RAB11FIP2: variants seen among roughly 807,000 people sequenced by gnomAD.
RAB11FIP2 encodes rab11 family-interacting protein 2.
A neutral mutation model predicts 40.9 loss-of-function variants in RAB11FIP2; 16 were observed. The observed-to-expected ratio is 0.39, with a 90% CI of 0.26 to 0.59. The LOEUF is 0.59. RAB11FIP2 is among the 20% of genes least tolerant of loss of function. The probability of loss-of-function intolerance (pLI) is 0.53; values close to 1 mark genes in which losing one functional copy is unlikely to be tolerated. For missense variants in RAB11FIP2, 532 were observed against 606.2 expected, an observed-to-expected ratio of 0.88 and a Z score of 1.28; for synonymous variants, 228 against 213.7, an observed-to-expected ratio of 1.07 and a Z score of -0.58.
rs757288025 is a variant in RAB11FIP2, at chr10:118,040,302, T to G, written c.617A>C (p.Gln206Pro). Residue 206 changes from glutamine (Q) to proline (P), a missense_variant, in exon 2 of 5, where the codon CAG becomes CCG. Coordinates refer to ENST00000355624, the MANE Select transcript of RAB11FIP2 (RefSeq NM_014904.3). Reference protein sequence around the residue: ...ANSEFSSGEIQMKSKPKKPFL... With the variant: ...ANSEFSSGEIPMKSKPKKPFL... ...AGGCTTTTTTGGTTTGGATTTCATC[T>G]GTATTTCACCACTTGAAAATTCACT... 6.2e-7 allele frequency: 1 copy of G among 1,613,970 alleles called. No homozygotes were observed.
chr10:118,039,472 A>T (rs757302251), intron 2 of RAB11FIP2, 32 bp from the exon 3 acceptor site: 4 of 1,540,982 alleles, frequency 2.6e-6, no homozygotes, highest in African/African-American at 2.7e-5. Context: ...GTACATAATC[A>T]GTGACACATT....
intron 3 of RAB11FIP2, among the ~76,000 whole-genome samples, chr10:118,022,833 T>G (rs1444701476): frequency 1.3e-5 from 2 of 152,124 alleles, no homozygotes; most frequent in African/African-American, 2.4e-5. Flanking sequence ...TAACCAGTAC[T>G]TAATAAAAAT....
In RAB11FIP2 at chr10:118,008,940, C is replaced by G; in HGVS notation, c.*58G>C. The G allele has an allele frequency of 1.4e-4, 191 of 1,351,456 alleles. No homozygotes were observed. The highest frequency in any genetic ancestry group is 1.8e-4 in the Non-Finnish European group (174 of 957,220). The allele number at this position is 1,351,456 out of a possible 1,614,324, so 83.7% of individuals were successfully genotyped here. The stretch of plus-strand genomic sequence containing the variant: ...CTCTTTCAGTAACAAGTTTTTCCTT[C>G]CTTCCTTCTTTCTTTCTCTCTCTTT... On this transcript the variant is annotated 3_prime_UTR_variant, in exon 5 of 5. Transcript: ENST00000355624.
intron 2 of RAB11FIP2, 183 bp from the exon 3 acceptor site, chr10:118,039,623 C>T: frequency 6.7e-6 from 4 of 598,324 alleles, no homozygotes; most frequent in African/African-American, 1.9e-5. Flanking sequence ...AGCATCGAGG[C>T]TGATAACAAC....
intron 4 of RAB11FIP2, among the ~76,000 whole-genome samples, chr10:118,011,672 G>A (rs1846157382): frequency 6.6e-6 from 1 of 151,942 alleles, no homozygotes; most frequent in African/African-American, 2.4e-5. Context: ...GTTCTCCATG[G>A]TCCCTTTCAA....
In RAB11FIP2 at chr10:118,046,306, A is replaced by T; in HGVS notation, c.-143T>A. On this transcript the variant is annotated 5_prime_UTR_variant, in exon 1 of 5. Coordinates refer to ENST00000355624, the MANE Select transcript of RAB11FIP2 (RefSeq NM_014904.3). ...GGGCTCCCCGACTTCCCTATGGCTG[A>T]TGTCAAAACGCCTCGCGGGGGCAGC... The T allele has an allele frequency of 1.4e-6, 1 of 732,452 alleles. No homozygotes were observed. Among genetic ancestry groups the T allele is most frequent in the Non-Finnish European group, 2.2e-6 (1 of 445,580 alleles). 45.4% of individuals were successfully genotyped at this position (732,452 alleles called of 1,614,324 possible). A position where few individuals can be genotyped will look rare whatever the true frequency, so the allele number is the denominator to read the frequency against.
At chr10:118,020,772 T>G (rs1349347838) in intron 3 of RAB11FIP2, among the ~76,000 whole-genome samples, 2 of 152,208 alleles carry the variant, frequency 1.3e-5, no homozygotes, top group African/African-American at 4.8e-5. Flanking sequence ...TCGTTTTGAG[T>G]GTGTCATTTG....
Position 118,039,288 on chromosome 10 carries a change from T to C in RAB11FIP2, c.949A>G (p.Thr317Ala). The change falls in exon 3 of 5, where the codon ACA (threonine) becomes GCA (alanine). Residue 317 changes from threonine (T) to alanine (A), a missense_variant. Coordinates refer to ENST00000355624, the MANE Select transcript of RAB11FIP2 (RefSeq NM_014904.3). ...AATGGATTTTTCTTCCTTGGCAGTG[T>C]TGCAAATTTTTGGGGTAATGAAGCA... Reference protein sequence around the residue: ...VTASLPQKFATLPRKKNPFEE... With the variant: ...VTASLPQKFAALPRKKNPFEE... 4 of 1,613,754 alleles carry C rather than the reference T, an allele frequency of 2.5e-6. No homozygotes were observed. The highest frequency in any genetic ancestry group is 1.3e-5 in the African/African-American group (1 of 75,038).
chr10:118,022,055 CTT>C (rs1010639535), intron 3 of RAB11FIP2, among the ~76,000 whole-genome samples: 1 of 152,208 alleles, frequency 6.6e-6, no homozygotes, highest in African/African-American at 2.4e-5. Flanking sequence ...CCAATCATGT[CTT>C]TTAGAACAGT....
chr10:118,023,855 G>C (rs949172834), intron 3 of RAB11FIP2, among the ~76,000 whole-genome samples: 3 of 152,042 alleles, frequency 2.0e-5, no homozygotes, highest in Admixed American at 6.5e-5. Flanking sequence ...ACTCTGGGAG[G>C]AGGCAGGCGG....
At chr10:118,034,719 C>T (rs1175705054) in intron 3 of RAB11FIP2, among the ~76,000 whole-genome samples, 4 of 152,066 alleles carry the variant, frequency 2.6e-5, no homozygotes, top group Admixed American at 2.6e-4. Context: ...AGACTAGTGG[C>T]AATTATAAAA....
Position 118,045,823 on chromosome 10 carries a change from C to A in RAB11FIP2, c.341G>T (p.Arg114Ile). The A allele has an allele frequency of 6.2e-7, 1 of 1,602,522 alleles. No individual in the cohort carries two copies. The highest frequency in any genetic ancestry group is 8.5e-7 in the Non-Finnish European group (1 of 1,174,344). Residue 114 changes from arginine (R) to isoleucine (I), a missense_variant, in exon 1 of 5, where the codon AGA (arginine) becomes ATA (isoleucine). Physicochemically the swap from Arg to Ile is moderately conservative, Grantham distance 97. Transcript: ENST00000355624. Reference protein sequence around the residue: ...NLNDIFEDKQRRKTEWFRLES... With the variant: ...NLNDIFEDKQIRKTEWFRLES... ...TTACATAACTTACTCTGTTTTCCTTCTTTGTTTGTCCTCAAAGATGTCATT... is the reference window on the plus strand; with the variant it reads ...TTACATAACTTACTCTGTTTTCCTTATTTGTTTGTCCTCAAAGATGTCATT...
chr10:118,028,142 C>T (rs1248168383), intron 3 of RAB11FIP2, among the ~76,000 whole-genome samples: 1 of 152,118 alleles, frequency 6.6e-6, no homozygotes, highest in African/African-American at 2.4e-5. Context: ...ATTTGTGAAA[C>T]AGTTTTTTCT....
chr10:118,015,829 C>T (rs1295166375), intron 3 of RAB11FIP2, among the ~76,000 whole-genome samples: 2 of 152,214 alleles, frequency 1.3e-5, no homozygotes, highest in African/African-American at 4.8e-5. Context: ...GTAAATATTT[C>T]ATCGGTGCTA....
chr10:118,011,391 G>GCGCACACA (rs144517584), intron 4 of RAB11FIP2, among the ~76,000 whole-genome samples: 1,769 of 149,946 alleles, frequency 0.012, 30 homozygotes, highest in African/African-American at 0.04. Flanking sequence ...ACACACATGC[G>GCGCACACA]CACACACACA....
rs553488327 is a variant in RAB11FIP2, at chr10:118,009,853, A to G, written c.1312-628T>C. Among the ~76,000 whole-genome samples the G allele has an allele frequency of 4.6e-5, 7 of 152,224 alleles. No homozygotes were observed. The South Asian group carries it at 1.5e-3, about 32-fold the overall frequency. The stretch of plus-strand genomic sequence containing the variant: ...AGTAACTGGTCTATTTCTTTCTCCT[A>G]TAATAATATCTAATTTATCTTCTTT... On this transcript the variant is annotated intron_variant, in intron 4 of 4. Coordinates refer to ENST00000355624, the MANE Select transcript of RAB11FIP2 (RefSeq NM_014904.3).
At chr10:118,028,333 T>C (rs1846370702) in intron 3 of RAB11FIP2, among the ~76,000 whole-genome samples, 2 of 150,704 alleles carry the variant, frequency 1.3e-5, no homozygotes, top group African/African-American at 4.9e-5. Context: ...TATAAGTATT[T>C]ATTACATAGA....
intron 4 of RAB11FIP2, among the ~76,000 whole-genome samples, chr10:118,012,530 T>C (rs1846170825): frequency 6.6e-6 from 1 of 151,118 alleles, no homozygotes; most frequent in Admixed American, 6.6e-5. Context: ...ATACTCCACA[T>C]ATATATATAT....
Position 118,040,534 on chromosome 10 carries a change from G to A in RAB11FIP2, c.385C>T (p.Arg129Ter). 2 of 1,607,828 alleles carry A rather than the reference G, an allele frequency of 1.2e-6. No individual in the cohort carries two copies. Among genetic ancestry groups the A allele is most frequent in the Non-Finnish European group, 1.7e-6 (2 of 1,177,692 alleles). ...TTTATCTCACCCCTGTTTTTGATTC[G>A]TTTTCCTTGTTTGGATTCTAATCTA... ...WFRLESKQGKRIKNRGEIKVN... is the reference protein window; with the variant it reads ...WFRLESKQGK Residue 129 changes from arginine (R) to a stop codon, truncating the protein, a stop_gained, in exon 2 of 5, where the codon CGA (arginine) becomes TGA (stop). Coordinates refer to ENST00000355624, the MANE Select transcript of RAB11FIP2 (RefSeq NM_014904.3). LOFTEE classifies it high-confidence loss of function.
Sources: allele counts gnomAD v4.1 joint callset (sites outside exome capture counted in the v4.1 genomes callset), GRCh38; gene constraint gnomAD v4.1.1; transcripts MANE v1.5; gene names NCBI Gene and HGNC (gene_info 2026-07-23, HGNC 2026-07-21).